Variants in TMEM39A observed in about 807,000 individuals in gnomAD.
TMEM39A encodes suppressor of SQST-1 aggregates in rpl-43 mutants.
Under a neutral mutation model 51.9 loss-of-function variants are expected in TMEM39A, and 19 were observed. The observed-to-expected ratio is 0.37, with a 90% CI of 0.26 to 0.54. The LOEUF is 0.54. Among genes scored for constraint, TMEM39A ranks in the 20% least tolerant of loss-of-function variants. The pLI, the probability that TMEM39A is intolerant of heterozygous loss-of-function variation, is 0.88. For synonymous variants in TMEM39A, 197 were observed against 220.2 expected, an observed-to-expected ratio of 0.89 and a Z score of 0.93; for missense variants, 433 against 590.5, an observed-to-expected ratio of 0.73 and a Z score of 2.76.
chr3:119,456,860 C>T (rs771248590), intron 3 of TMEM39A, among the ~76,000 whole-genome samples: 4 of 152,236 alleles, frequency 2.6e-5, no homozygotes, highest in Non-Finnish European at 5.9e-5. Flanking sequence ...GCTGCCTTCA[C>T]CTCCCAAAGT....
At chr3:119,436,603 G>A (rs942945854) in intron 7 of TMEM39A, 188 bp downstream of exon 7, 3 of 585,464 alleles carry the variant, frequency 5.1e-6, no homozygotes, top group Non-Finnish European at 9.0e-6. Context: ...CATTTAAGGA[G>A]CTGGGGTGGT....
At chr3:119,436,750 T>A (rs776255806) in intron 7 of TMEM39A, 41 bp downstream of exon 7, 6 of 1,547,350 alleles carry the variant, frequency 3.9e-6, no homozygotes, top group Non-Finnish European at 5.3e-6. Context: ...ATCAGCAGCA[T>A]GTAGAAAGTG....
At chr3:119,448,117 A>G (rs999629353) in intron 4 of TMEM39A, among the ~76,000 whole-genome samples, 2 of 152,208 alleles carry the variant, frequency 1.3e-5, no homozygotes, top group East Asian at 3.8e-4. Flanking sequence ...CCCTATATAA[A>G]TAAGTTTCTT....
At chr3:119,441,549 C>T (rs893875794) in intron 5 of TMEM39A, among the ~76,000 whole-genome samples, 18 of 152,168 alleles carry the variant, frequency 1.2e-4, no homozygotes, top group African/African-American at 4.8e-5. Context: ...ACAGAAGAAA[C>T]GTATGAAGGT....
intron 4 of TMEM39A, 58 bp from the exon 5 acceptor site, chr3:119,447,230 T>C: frequency 1.9e-6 from 3 of 1,565,510 alleles, no homozygotes; most frequent in South Asian, 2.3e-5. Flanking sequence ...TCAAAAGCAT[T>C]GTAATTCAAG....
In TMEM39A at chr3:119,431,266, G is replaced by A. The variant is rs1004964833; in HGVS notation, c.*715C>T. 1 of 152,048 alleles carries A rather than the reference G, an allele frequency of 6.6e-6. No homozygotes were observed. The highest frequency in any genetic ancestry group is 2.4e-5 in the African/African-American group (1 of 41,396). The allele number at this position is 152,048 out of a possible 1,614,324, so 9.4% of individuals were successfully genotyped here. A position where few individuals can be genotyped will look rare whatever the true frequency, so the allele number is the denominator to read the frequency against. ...CACACATCATCTTCTTCATGAATGTGGGCAGTCTAAAGACTTCCTGTCTGG... is the reference window on the plus strand; with the variant it reads ...CACACATCATCTTCTTCATGAATGTAGGCAGTCTAAAGACTTCCTGTCTGG... On this transcript the variant is annotated 3_prime_UTR_variant, in exon 9 of 9. Coordinates refer to ENST00000319172, the MANE Select transcript of TMEM39A (RefSeq NM_018266.3).
At chr3:119,451,339 AAAG>A in intron 4 of TMEM39A, 1 of 1,252,376 alleles carries the variant, frequency 8.0e-7, no homozygotes, top group Non-Finnish European at 1.0e-6. Context: ...GTTTTGGGAA[AAAG>A]AAGTTGACTC....
At chr3:119,462,664 T>G in intron 1 of TMEM39A, among the ~76,000 whole-genome samples, 2 of 100,612 alleles carry the variant, frequency 2.0e-5, no homozygotes, top group East Asian at 3.3e-4. Flanking sequence ...GAGTGTCCCC[T>G]GTTCTGCAGA....
In TMEM39A at chr3:119,436,784, TACTC is replaced by T. The variant is rs756032587; in HGVS notation, c.1112+3_1112+6del. The stretch of plus-strand genomic sequence containing the variant: ...TGTTACATGGTTTTACCCTCTAGCT[TACTC>T]ACATGTGCTGTGGAGCATTGCTGTA... On this transcript the variant is annotated splice_donor_5th_base_variant and intron_variant, in intron 7 of 8. Transcript: ENST00000319172. 5 of 1,606,512 alleles carry T rather than the reference TACTC, an allele frequency of 3.1e-6. No individual in the cohort carries two copies. The East Asian group carries it at 1.1e-4, about 36-fold the overall frequency.
In TMEM39A at chr3:119,433,200, A is replaced by C. The variant is rs144626992; in HGVS notation, c.1234-986T>G. Among the ~76,000 whole-genome samples, 19 of 152,298 alleles carry C rather than the reference A, an allele frequency of 1.2e-4. No individual in the cohort carries two copies. In the East Asian group the frequency reaches 2.1e-3, roughly 17 times the overall value. On this transcript the variant is annotated intron_variant, in intron 8 of 8. Transcript: ENST00000319172. ...CCAAATTATCATGACAGCTTTAAAA[A>C]GTTTCCAGGTTCAAGAGGAAGAAAA... is the stretch of plus-strand genomic sequence containing the variant.
Position 119,446,899 on chromosome 3 carries a change from T to C in TMEM39A, c.575+119A>G, listed in dbSNP as rs2081132933. ...TCACCATGCTCATGGATTTCCCAGT[T>C]TTCTAAATGCTTCATTTATATTTGA... On this transcript the variant is annotated intron_variant, in intron 5 of 8. Transcript: ENST00000319172. 6.7e-6 allele frequency: 8 copies of C among 1,193,530 alleles called. No individual in the cohort carries two copies. In the South Asian group the frequency reaches 1.3e-4, roughly 19 times the overall value. 73.9% of individuals were successfully genotyped at this position (1,193,530 alleles called of 1,614,324 possible).
chr3:119,458,273 T>A, intron 2 of TMEM39A, 33 bp from the exon 3 acceptor site: 2 of 1,576,400 alleles, frequency 1.3e-6, no homozygotes, highest in Non-Finnish European at 8.7e-7. Context: ...ACTCAAATGG[T>A]GATAACCTCC....
At chr3:119,446,979 A>G (rs529454832) in intron 5 of TMEM39A, 39 bp downstream of exon 5, 4 of 1,580,968 alleles carry the variant, frequency 2.5e-6, no homozygotes, top group East Asian at 2.3e-5. Context: ...AATAATTTCT[A>G]AAGATTTACT....
chr3:119,440,169 T>C (rs1481459789), intron 5 of TMEM39A, among the ~76,000 whole-genome samples: 2 of 151,984 alleles, frequency 1.3e-5, no homozygotes, highest in Non-Finnish European at 1.5e-5. Context: ...GCTGCATGTG[T>C]AGGTGTAGAG....
At chr3:119,446,970 A>G in intron 5 of TMEM39A, 48 bp downstream of exon 5, 1 of 1,573,542 alleles carries the variant, frequency 6.4e-7, no homozygotes, top group Non-Finnish European at 8.6e-7. Flanking sequence ...CGTGACCGAA[A>G]TAATTTCTAA....
rs2107662955 is a variant in TMEM39A at position 119,438,055 on chromosome 3, T to A, written c.624A>T (p.Ala208=). The A allele has an allele frequency of 6.2e-7, 1 of 1,606,306 alleles. No individual in the cohort carries two copies. Among genetic ancestry groups the A allele is most frequent in the South Asian group, 1.1e-5 (1 of 90,964 alleles). The change falls in exon 6 of 9, where the codon GCA becomes GCT. Residue 208 remains alanine (A), a synonymous_variant. Coordinates refer to ENST00000319172, the MANE Select transcript of TMEM39A (RefSeq NM_018266.3). ...AGTTGTAGTCTGTGAGAAGAAGATG[T>A]GCTCTACTATCTTGATGAAAACAGC... ...PLCCFHQDSR[A]HLLLTDYNYV... is the part of the protein sequence containing the mutation.
At position 119,438,120 on chromosome 3, in the gene TMEM39A, GA is replaced by G. The variant is rs1318430997; in HGVS notation, c.576-18del. On this transcript the variant is annotated intron_variant, in intron 5 of 8. Coordinates refer to ENST00000319172, the MANE Select transcript of TMEM39A (RefSeq NM_018266.3). ...ACACCAAACCTGTAAAACAAAGTGT[GA>G]AAATGAGACCACAGATACCACCTAA... The G allele has an allele frequency of 6.4e-7, 1 of 1,562,266 alleles. No individual in the cohort carries two copies. Among genetic ancestry groups the G allele is most frequent in the Non-Finnish European group, 8.7e-7 (1 of 1,143,928 alleles).
chr3:119,448,630 T>C (rs1426804072), intron 4 of TMEM39A, among the ~76,000 whole-genome samples: 1 of 152,224 alleles, frequency 6.6e-6, no homozygotes, highest in Non-Finnish European at 1.5e-5. Flanking sequence ...GCTCAAGCTC[T>C]TCTCAGTCAT....
At chr3:119,448,857 A>G (rs1275569802) in intron 4 of TMEM39A, among the ~76,000 whole-genome samples, 4 of 152,260 alleles carry the variant, frequency 2.6e-5, no homozygotes, top group African/African-American at 7.2e-5. Context: ...CAGAGCCCCA[A>G]GCCGCTAATC....
Sources: gnomAD v4.1 joint callset for allele counts (sites outside exome capture counted in the v4.1 genomes callset) on GRCh38, gnomAD v4.1.1 for gene constraint, MANE v1.5 for transcripts, NCBI Gene and HGNC (gene_info 2026-07-23, HGNC 2026-07-21) for gene names.